DOK6: variants seen among roughly 807,000 people sequenced by gnomAD.
DOK6 encodes downstream of tyrosine kinase 6.
DOK6 carries 22 observed loss-of-function variants against 44.0 expected under a neutral mutation model. That is an observed-to-expected ratio of 0.50 (90% CI 0.36 to 0.71). DOK6 has a LOEUF of 0.71. Among genes scored for constraint, DOK6 ranks in the 30% least tolerant of loss-of-function variants. The probability of loss-of-function intolerance (pLI) is 0.00; values close to 1 mark genes in which losing one functional copy is unlikely to be tolerated. For synonymous variants in DOK6, 166 were observed against 145.5 expected, an observed-to-expected ratio of 1.14 and a Z score of -1.01; for missense variants, 340 against 416.4, an observed-to-expected ratio of 0.82 and a Z score of 1.60.
chr18:69,700,216 C>CAT lies in DOK6; in HGVS notation c.599+1640_599+1641dup, dbSNP rs61078235. Among the ~76,000 whole-genome samples, 947 of 124,746 alleles carry CAT rather than the reference C, an allele frequency of 7.6e-3. 34 individuals carry two copies. Among genetic ancestry groups the CAT allele is most frequent in the African/African-American group, 0.022 (732 of 33,458 alleles). 81.8% of individuals were successfully genotyped at this position (124,746 alleles called of 152,430 possible). A position where few individuals can be genotyped will look rare whatever the true frequency, so the allele number is the denominator to read the frequency against. On this transcript the variant is annotated intron_variant, in intron 5 of 7. Coordinates refer to ENST00000382713, the MANE Select transcript of DOK6 (RefSeq NM_152721.6). The stretch of plus-strand genomic sequence containing the variant: ...TATCAGTTAGTTTTACATATATATA[C>CAT]ATATATATATATATATATGAATTGA...
chr18:69,428,666 A>G (rs1978711327), intron 1 of DOK6, among the ~76,000 whole-genome samples: 1 of 152,198 alleles, frequency 6.6e-6, no homozygotes, highest in African/African-American at 2.4e-5. Context: ...TAAAATACCA[A>G]AAATAATAAA....
intron 5 of DOK6, among the ~76,000 whole-genome samples, chr18:69,708,109 A>G (rs1039777509): frequency 6.6e-6 from 1 of 152,206 alleles, no homozygotes. Flanking sequence ...AGTGTTTTCT[A>G]TGTCATGTCA....
intron 3 of DOK6, among the ~76,000 whole-genome samples, chr18:69,626,344 C>T (rs1223628438): frequency 1.3e-5 from 2 of 152,198 alleles, no homozygotes; most frequent in African/African-American, 2.4e-5. Flanking sequence ...CAAACCGCCT[C>T]TCGGTCCATT....
chr18:69,698,659 C>A, intron 5 of DOK6, 66 bp downstream of exon 5: 1 of 1,491,988 alleles, frequency 6.7e-7, no homozygotes. Context: ...TAACAGAGTC[C>A]TGAAAGAGAG....
intron 1 of DOK6, among the ~76,000 whole-genome samples, chr18:69,486,632 AT>A: frequency 6.6e-6 from 1 of 152,252 alleles, no homozygotes; most frequent in South Asian, 2.1e-4. Flanking sequence ...TGAAGGTTTT[AT>A]TTTATTCAAA....
At chr18:69,669,416 C>T (rs961795489) in intron 3 of DOK6, among the ~76,000 whole-genome samples, 4 of 151,428 alleles carry the variant, frequency 2.6e-5, no homozygotes, top group Non-Finnish European at 5.9e-5. Flanking sequence ...ATCCATGCTG[C>T]TACAAAGGAC....
At chr18:69,803,411 C>A (rs998673507) in intron 7 of DOK6, among the ~76,000 whole-genome samples, 1 of 152,022 alleles carries the variant, frequency 6.6e-6, no homozygotes, top group African/African-American at 2.4e-5. Flanking sequence ...TGCAAAACCA[C>A]CTTCAATAAG....
chr18:69,535,805 A>T (rs561255296), intron 1 of DOK6, among the ~76,000 whole-genome samples: 1 of 152,252 alleles, frequency 6.6e-6, no homozygotes, highest in East Asian at 1.9e-4. Context: ...AAATAAAAAA[A>T]TATCTACAGA....
chr18:69,542,472 C>T (rs1266966811), intron 1 of DOK6, among the ~76,000 whole-genome samples: 1 of 150,908 alleles, frequency 6.6e-6, no homozygotes, highest in African/African-American at 2.4e-5. Flanking sequence ...AATGTTGACC[C>T]AAGAGAAAAA....
At chr18:69,734,608 A>G (rs1184907006) in intron 5 of DOK6, among the ~76,000 whole-genome samples, 1 of 152,140 alleles carries the variant, frequency 6.6e-6, no homozygotes, top group African/African-American at 2.4e-5. Flanking sequence ...ACTCTACCCC[A>G]TTACTGAGAG....
At chr18:69,564,132 C>T (rs1461145242) in intron 1 of DOK6, among the ~76,000 whole-genome samples, 2 of 151,642 alleles carry the variant, frequency 1.3e-5, no homozygotes, top group Non-Finnish European at 2.9e-5. Context: ...TATGTAAGTG[C>T]TTCACTTAAC....
intron 1 of DOK6, among the ~76,000 whole-genome samples, chr18:69,500,429 A>T (rs1313214108): frequency 1.3e-5 from 2 of 152,000 alleles, no homozygotes; most frequent in Non-Finnish European, 2.9e-5. Context: ...CCTCTCCATT[A>T]TACTGGCTCT....
At chr18:69,693,872 C>A (rs780417365) in intron 4 of DOK6, among the ~76,000 whole-genome samples, 1 of 151,396 alleles carries the variant, frequency 6.6e-6, no homozygotes, top group Non-Finnish European at 1.5e-5. Context: ...TCCTGGCTAA[C>A]ACAGTGAAAC....
chr18:69,742,974 G>A (rs1978856570), intron 6 of DOK6, among the ~76,000 whole-genome samples: 1 of 151,884 alleles, frequency 6.6e-6, no homozygotes, highest in African/African-American at 2.4e-5. Context: ...TGTATTAGAA[G>A]ATGACATGCT....
chr18:69,726,365 G>T (rs1260583176), intron 5 of DOK6, among the ~76,000 whole-genome samples: 1 of 151,840 alleles, frequency 6.6e-6, no homozygotes, highest in Non-Finnish European at 1.5e-5. Context: ...TTAATCTTTT[G>T]TTTATTTGCT....
At chr18:69,457,345 C>G (rs1267166137) in intron 1 of DOK6, among the ~76,000 whole-genome samples, 1 of 152,150 alleles carries the variant, frequency 6.6e-6, no homozygotes, top group Admixed American at 6.5e-5. Flanking sequence ...AGATAAGGTT[C>G]TAGTTTCATT....
intron 5 of DOK6, among the ~76,000 whole-genome samples, chr18:69,714,132 T>TA (rs1332411283): frequency 2.0e-5 from 3 of 152,178 alleles, no homozygotes; most frequent in Non-Finnish European, 4.4e-5. Flanking sequence ...AGAGACTCCC[T>TA]ATATACAGAC....
intron 3 of DOK6, among the ~76,000 whole-genome samples, chr18:69,652,627 C>A (rs1985258321): frequency 6.6e-6 from 1 of 152,150 alleles, no homozygotes; most frequent in Non-Finnish European, 1.5e-5. Flanking sequence ...TCTTTGGCTG[C>A]CGCATGTGAT....
intron 1 of DOK6, among the ~76,000 whole-genome samples, chr18:69,527,623 A>G (rs1008666922): frequency 4.6e-5 from 7 of 152,178 alleles, no homozygotes; most frequent in Admixed American, 1.3e-4. Flanking sequence ...GCATAATGCA[A>G]TTAGATTATT....
Sources: gnomAD v4.1 joint callset for allele counts (sites outside exome capture counted in the v4.1 genomes callset) on GRCh38, gnomAD v4.1.1 for gene constraint, MANE v1.5 for transcripts, NCBI Gene and HGNC (gene_info 2026-07-23, HGNC 2026-07-21) for gene names.